Variants in LEMD2 observed in about 807,000 individuals in gnomAD.
LEMD2 encodes the protein LEM domain-containing protein 2.
Under a neutral mutation model 58.8 loss-of-function variants are expected in LEMD2, and 34 were observed. The ratio of observed to expected loss-of-function variants is 0.58; its 90% confidence interval spans 0.44 to 0.77. The LOEUF (loss-of-function observed/expected upper bound fraction) is 0.77, where lower values mean the gene tolerates loss of function less well. Ranked by LOEUF, LEMD2 falls within the 30% of genes least tolerant of loss-of-function variation. LEMD2 has a pLI of 0.00. For missense variants in LEMD2, 629 were observed against 717.9 expected (o/e 0.88, Z 1.42); for synonymous variants, 298 against 308.9 (o/e 0.96, Z 0.37).
Position 33,789,065 on chromosome 6 carries a change from A to C in LEMD2, c.52T>G (p.Phe18Val). 6.5e-7 allele frequency: 1 copy of C among 1,549,546 alleles called. No homozygotes were observed. The highest frequency in any genetic ancestry group is 1.4e-5 in the African/African-American group (1 of 70,426). ...ELRRELQALG[F>V]QPGPITDTTR... ...GTGTCGGTGATGGGTCCTGGCTGGA[A>C]GCCCAGGGCCTGCAGCTCCCGCCGC... Residue 18 changes from phenylalanine (F) to valine (V), a missense_variant, in exon 1 of 9, where the codon TTC becomes GTC. Coordinates refer to ENST00000293760, the MANE Select transcript of LEMD2 (RefSeq NM_181336.4).
Position 33,789,126 on chromosome 6 carries a change from G to GCCGCCCCCCGC in LEMD2, c.-11_-10insGCGGGGGGCGG, listed in dbSNP as rs749498420. 10 of 1,493,004 alleles carry GCCGCCCCCCGC rather than the reference G, an allele frequency of 6.7e-6. No individual in the cohort carries two copies. In the African/African-American group the frequency reaches 1.2e-4, roughly 17 times the overall value. 92.5% of individuals were successfully genotyped at this position (1,493,004 alleles called of 1,614,324 possible). ...CCGACAGGCCGGCCATGGCCAGGACGCCGCCCCCCGCCCGCCCCTGGCGCG... is the reference window on the plus strand; with the variant it reads ...CCGACAGGCCGGCCATGGCCAGGACGCCGCCCCCCGCCCGCCCCCCGCCCGCCCCTGGCGCG... On this transcript the variant is annotated 5_prime_UTR_variant, in exon 1 of 9. Coordinates refer to ENST00000293760, the MANE Select transcript of LEMD2 (RefSeq NM_181336.4).
chr6:33,772,849 A>G, intron 8 of LEMD2, 71 bp from the exon 9 acceptor site: 1 of 1,377,102 alleles, frequency 7.3e-7, no homozygotes, highest in South Asian at 1.3e-5. Context: ...CCCTCCTACA[A>G]AGGGCACACA....
At chr6:33,784,091 C>T (rs1046402302) in intron 3 of LEMD2, among the ~76,000 whole-genome samples, 5 of 152,244 alleles carry the variant, frequency 3.3e-5, no homozygotes, top group African/African-American at 1.2e-4. Context: ...GGAAGAACAG[C>T]TGCAGGAAGG....
chr6:33,771,263 G>A lies in LEMD2; in HGVS notation c.*1365C>T, dbSNP rs1043586549. The A allele has an allele frequency of 3.3e-5, 5 of 152,234 alleles. No homozygotes were observed. The highest frequency in any genetic ancestry group is 1.2e-4 in the African/African-American group (5 of 41,454). The allele number at this position is 152,234 out of a possible 1,614,324, so 9.4% of individuals were successfully genotyped here. ...ATCCAGCAGTTTCAGCCCTGATACT[G>A]AAGCCTGTTGCGGTGTTTCTTATTT... is the stretch of plus-strand genomic sequence containing the variant. On this transcript the variant is annotated 3_prime_UTR_variant, in exon 9 of 9. Transcript: ENST00000293760.
At position 33,788,694 on chromosome 6, in the gene LEMD2, C is replaced by G; in HGVS notation, c.423G>C (p.Glu141Asp). 1.5e-6 allele frequency: 2 copies of G among 1,361,824 alleles called. No homozygotes were observed. Among genetic ancestry groups the G allele is most frequent in the Non-Finnish European group, 1.9e-6 (2 of 1,055,584 alleles). The allele number at this position is 1,361,824 out of a possible 1,614,324, so 84.4% of individuals were successfully genotyped here. A position where few individuals can be genotyped will look rare whatever the true frequency, so the allele number is the denominator to read the frequency against. The change falls in exon 1 of 9, where the codon GAG becomes GAC. Residue 141 changes from glutamate (E) to aspartate (D), a missense_variant. By Grantham distance (45) the Glu-to-Asp change is conservative. Around this residue, in one of 2 missense-constraint regions of LEMD2, gnomAD observed 386 missense variants for 381.1 expected, o/e 1.01. Transcript: ENST00000293760. ...TGTCGGGCGTCCGGGCGTCCTCGTC[C>G]TCCTCGGAGCTGCCCCGGACCGAGG... is the stretch of plus-strand genomic sequence containing the variant. Reference protein sequence around the residue: ...RRASVRGSSEEDEDARTPDRA... With the variant: ...RRASVRGSSEDDEDARTPDRA...
At position 33,784,345 on chromosome 6, in the gene LEMD2, TACTC is replaced by T; in HGVS notation, c.853+3_853+6del. On this transcript the variant is annotated splice_donor_5th_base_variant and intron_variant, in intron 3 of 8. Coordinates refer to ENST00000293760, the MANE Select transcript of LEMD2 (RefSeq NM_181336.4). ...GAGGAATCTCAGGACTTACGTGACT[TACTC>T]ACCAGCTTGGATGGCCAGGAAATTG... 1 of 1,611,310 alleles carries T rather than the reference TACTC, an allele frequency of 6.2e-7. No individual in the cohort carries two copies. Among genetic ancestry groups the T allele is most frequent in the South Asian group, 1.1e-5 (1 of 91,008 alleles).
At chr6:33,784,467 G>T (rs1374011141) in intron 2 of LEMD2, 40 bp from the exon 3 acceptor site, 1 of 757,304 alleles carries the variant, frequency 1.3e-6, no homozygotes, top group East Asian at 2.9e-5. Flanking sequence ...AGGAGGGGTG[G>T]GTGGGAGGGG....
rs770496563 is a variant in LEMD2 at position 33,784,375 on chromosome 6, T to C, written c.830A>G (p.Tyr277Cys). The change falls in exon 3 of 9, where the codon TAC becomes TGC. Residue 277 changes from tyrosine (Y) to cysteine (C), a missense_variant. Transcript: ENST00000293760. The part of the protein sequence containing the change: ...AALLELLHEL[Y>C]NFLAIQAGNF... ...ACCAGCTTGGATGGCCAGGAAATTGTAGAGTTCATGCAGCAGCTCCAGCAA... is the reference window on the plus strand; with the variant it reads ...ACCAGCTTGGATGGCCAGGAAATTGCAGAGTTCATGCAGCAGCTCCAGCAA... 10 of 1,594,764 alleles carry C rather than the reference T, an allele frequency of 6.3e-6. No individual in the cohort carries two copies. The East Asian group carries it at 1.6e-4, about 25-fold the overall frequency.
rs1582257990 is a variant in LEMD2, at chr6:33,780,711, G to A, written c.930+366C>T. Among the ~76,000 whole-genome samples the A allele has an allele frequency of 2.0e-5, 3 of 152,292 alleles. No homozygotes were observed. The South Asian group carries it at 6.2e-4, about 32-fold the overall frequency. On this transcript the variant is annotated intron_variant, in intron 4 of 8. Coordinates refer to ENST00000293760, the MANE Select transcript of LEMD2 (RefSeq NM_181336.4). ...CCTGAGGCCACACAGGAAATCAGACGGCCCCTGGGCAGTCTGAATGGTAAT... is the reference window on the plus strand; with the variant it reads ...CCTGAGGCCACACAGGAAATCAGACAGCCCCTGGGCAGTCTGAATGGTAAT...
chr6:33,778,501 G>A lies in LEMD2; in HGVS notation c.1011-114C>T. ...AAGTGGGGACGCAAGGCCTCTACTTGCTTATAGAATAGGCTTGGTATCCTG... is the reference window on the plus strand; with the variant it reads ...AAGTGGGGACGCAAGGCCTCTACTTACTTATAGAATAGGCTTGGTATCCTG... On this transcript the variant is annotated intron_variant, in intron 5 of 8. Transcript: ENST00000293760. The surrounding 1 kb of genome is among the most constrained non-coding windows in gnomAD (Gnocchi z 4.7). 1 of 774,788 alleles carries A rather than the reference G, an allele frequency of 1.3e-6. No individual in the cohort carries two copies. The highest frequency in any genetic ancestry group is 1.9e-6 in the Non-Finnish European group (1 of 516,546). 48.0% of individuals were successfully genotyped at this position (774,788 alleles called of 1,614,324 possible).
intron 2 of LEMD2, among the ~76,000 whole-genome samples, chr6:33,784,843 A>C (rs1767640789): frequency 6.6e-6 from 1 of 152,204 alleles, no homozygotes; most frequent in African/African-American, 2.4e-5. Context: ...AAGAGCTAGG[A>C]GAGCTTGCAG....
rs544705127 is a variant in LEMD2 at position 33,784,883 on chromosome 6, C to T, written c.778-456G>A. ...GGCAGAATGTCAGCAGCTGCCATCT[C>T]GTCTCCCGTTAGGTGGAATCTCAGA... On this transcript the variant is annotated intron_variant, in intron 2 of 8. Transcript: ENST00000293760. Among the ~76,000 whole-genome samples the T allele has an allele frequency of 2.9e-4, 44 of 152,286 alleles. No individual in the cohort carries two copies. In the East Asian group the frequency reaches 8.3e-3, roughly 29 times the overall value.
Position 33,778,721 on chromosome 6 carries a change from T to C in LEMD2, c.1011-334A>G. ...AGCATAGAGAAATGGAAATGTTTAC[T>C]GAATCACTAGCTTTGCAATTGCATG... On this transcript the variant is annotated intron_variant, in intron 5 of 8. Transcript: ENST00000293760. The surrounding 1 kb of genome is among the most constrained non-coding windows in gnomAD (Gnocchi z 4.7). The C allele has an allele frequency of 4.8e-6, 1 of 208,380 alleles. No individual in the cohort carries two copies. Among genetic ancestry groups the C allele is most frequent in the Non-Finnish European group, 9.5e-6 (1 of 105,272 alleles). 12.9% of individuals were successfully genotyped at this position (208,380 alleles called of 1,614,324 possible). A position where few individuals can be genotyped will look rare whatever the true frequency, so the allele number is the denominator to read the frequency against.
Position 33,771,930 on chromosome 6 carries a change from A to AGGCG in LEMD2, c.*694_*697dup, listed in dbSNP as rs1229030624. On this transcript the variant is annotated 3_prime_UTR_variant, in exon 9 of 9. Coordinates refer to ENST00000293760, the MANE Select transcript of LEMD2 (RefSeq NM_181336.4). Reference sequence around the variant, plus strand: ...GCAGCTTCTGTGAGAAGCAACACTGAGGCGGGCCCGCCCGCCCTGGGGCTG... The same window carrying AGGCG: ...GCAGCTTCTGTGAGAAGCAACACTGAGGCGGGCGGGCCCGCCCGCCCTGGGGCTG... 1 of 144,774 alleles carries AGGCG rather than the reference A, an allele frequency of 6.9e-6. No individual in the cohort carries two copies. Among genetic ancestry groups the AGGCG allele is most frequent in the Non-Finnish European group, 1.5e-5 (1 of 64,672 alleles). The allele number at this position is 144,774 out of a possible 1,614,324, so 9.0% of individuals were successfully genotyped here. A position where few individuals can be genotyped will look rare whatever the true frequency, so the allele number is the denominator to read the frequency against.
At chr6:33,786,606 G>A in intron 2 of LEMD2, 128 bp downstream of exon 2, 1 of 704,680 alleles carries the variant, frequency 1.4e-6, no homozygotes, top group Non-Finnish European at 2.5e-6. Flanking sequence ...AGAACACAAT[G>A]TGACTCTGGT....
Position 33,789,000 on chromosome 6 carries a change from C to T in LEMD2, c.117G>A (p.Arg39=), listed in dbSNP as rs957429159. The stretch of plus-strand genomic sequence containing the variant: ...CCTCGTCGCGCAGCCGGGCCTCGCC[C>T]CGCAGGCGGCGCAGCTTGTTGCGGT... ...DVYRNKLRRL[R]GEARLRDEER... Residue 39 remains arginine (R), a synonymous_variant, in exon 1 of 9, where the codon CGG becomes CGA. Transcript: ENST00000293760. 3 of 1,551,434 alleles carry T rather than the reference C, an allele frequency of 1.9e-6. No individual in the cohort carries two copies. Among genetic ancestry groups the T allele is most frequent in the Middle Eastern group, 1.8e-4 (1 of 5,634 alleles).
intron 8 of LEMD2, 124 bp downstream of exon 8, chr6:33,776,830 T>C (rs1767440543): frequency 4.0e-6 from 3 of 745,688 alleles, no homozygotes; most frequent in Non-Finnish European, 7.0e-6. Flanking sequence ...GAGCCACTCT[T>C]GGCCCTGGGG....
At position 33,777,021 on chromosome 6, in the gene LEMD2, C is replaced by T; in HGVS notation, c.1294G>A (p.Asp432Asn). ...CCTACATATGGATAGCGCTCCATGT[C>T]CTGCTCCCAGTCCACGTAATGGTCC... The part of the protein sequence containing the change: ...VQDHYVDWEQ[D>N]MERYPYVGIL... The change falls in exon 8 of 9, where the codon GAC (aspartate) becomes AAC (asparagine). Residue 432 changes from aspartate to asparagine, a missense_variant. By Grantham distance (23) the Asp-to-Asn change is conservative. This residue lies in a region of LEMD2 where 243 missense variants were observed against 336.8 expected (regional missense o/e 0.72). Coordinates refer to ENST00000293760, the MANE Select transcript of LEMD2 (RefSeq NM_181336.4). 2 of 1,614,210 alleles carry T rather than the reference C, an allele frequency of 1.2e-6. No homozygotes were observed. The highest frequency in any genetic ancestry group is 2.2e-5 in the South Asian group (2 of 91,086).
At chr6:33,782,785 GCA>G (rs771323559) in intron 3 of LEMD2, among the ~76,000 whole-genome samples, 1 of 152,254 alleles carries the variant, frequency 6.6e-6, no homozygotes, top group Non-Finnish European at 1.5e-5. Flanking sequence ...GCAAGGGCCT[GCA>G]CAGTGCCCAG....
Sources: allele counts gnomAD v4.1 joint callset (sites outside exome capture counted in the v4.1 genomes callset), GRCh38; gene constraint gnomAD v4.1.1; regional missense constraint gnomAD v4.1.1; non-coding constraint Gnocchi (gnomAD v3.1); transcripts MANE v1.5; gene names NCBI Gene and HGNC (gene_info 2026-07-23, HGNC 2026-07-21).